Variants in KPNA4 observed in about 807,000 individuals in gnomAD.
The protein encoded by KPNA4 is importin subunit alpha-3.
KPNA4 carries 13 observed loss-of-function variants against 71.3 expected under a neutral mutation model. The observed-to-expected ratio is 0.18, with a 90% CI of 0.12 to 0.29. The LOEUF is 0.29. Ranked by LOEUF, KPNA4 falls within the 10% of genes least tolerant of loss-of-function variation. The pLI is 1.00. For missense variants in KPNA4, 334 were observed against 603.2 expected, an observed-to-expected ratio of 0.55 and a Z score of 4.67; for synonymous variants, 189 against 195.2, an observed-to-expected ratio of 0.97 and a Z score of 0.26.
intron 13 of KPNA4, among the ~76,000 whole-genome samples, chr3:160,511,731 A>ATAT (rs1721099244): frequency 8.3e-6 from 1 of 120,242 alleles, no homozygotes; most frequent in African/African-American, 3.0e-5. Context: ...TATATATATA[A>ATAT]ATATATTTGC....
rs1721178741 is a variant in KPNA4, at chr3:160,515,041, C to T, written c.1032+411G>A. ...CAACCCATGTTATTTCTACAACAGC[C>T]TCAGATGCACTCCAATATCAGCATC... On this transcript the variant is annotated intron_variant, in intron 12 of 16. Coordinates refer to ENST00000334256, the MANE Select transcript of KPNA4 (RefSeq NM_002268.5). 6 of 519,092 alleles carry T rather than the reference C, an allele frequency of 1.2e-5. No homozygotes were observed. The Admixed American group carries it at 1.2e-4, about 10-fold the overall frequency. 32.2% of individuals were successfully genotyped at this position (519,092 alleles called of 1,614,324 possible).
At chr3:160,544,686 A>G (rs1012830874) in intron 1 of KPNA4, among the ~76,000 whole-genome samples, 2 of 152,226 alleles carry the variant, frequency 1.3e-5, no homozygotes, top group African/African-American at 4.8e-5. Context: ...GAAGAGTAAG[A>G]GAAGAAATGA....
chr3:160,523,231 G>A (rs558801223), intron 10 of KPNA4, among the ~76,000 whole-genome samples: 5 of 152,258 alleles, frequency 3.3e-5, no homozygotes, highest in African/African-American at 9.6e-5. Flanking sequence ...AGCACTTTGG[G>A]AGACCAAGGC....
At chr3:160,523,491 T>C (rs1307179123) in intron 10 of KPNA4, among the ~76,000 whole-genome samples, 1 of 152,164 alleles carries the variant, frequency 6.6e-6, no homozygotes, top group Non-Finnish European at 1.5e-5. Flanking sequence ...TGCTTTGCCA[T>C]TGTTTCTTAG....
chr3:160,540,739 A>G (rs1316777278), intron 1 of KPNA4, among the ~76,000 whole-genome samples: 1 of 152,242 alleles, frequency 6.6e-6, no homozygotes, highest in Admixed American at 6.5e-5. Context: ...GGTGTCAATT[A>G]GAATTCCAGA....
chr3:160,563,283 T>TA (rs1312594062), intron 1 of KPNA4, among the ~76,000 whole-genome samples: 2 of 152,182 alleles, frequency 1.3e-5, no homozygotes, highest in East Asian at 1.9e-4. Context: ...AGAAGCCAGT[T>TA]AAAAAAGAGC....
At chr3:160,554,275 T>A (rs1340816555) in intron 1 of KPNA4, among the ~76,000 whole-genome samples, 1 of 152,216 alleles carries the variant, frequency 6.6e-6, no homozygotes, top group Non-Finnish European at 1.5e-5. Context: ...TTTTAGTACA[T>A]TCACAAAGTT....
intron 14 of KPNA4, 22 bp from the exon 15 acceptor site, chr3:160,508,291 A>C: frequency 6.5e-7 from 1 of 1,543,226 alleles, no homozygotes; most frequent in Non-Finnish European, 8.8e-7. Context: ...AAACAACATA[A>C]AATAATGCAA....
intron 12 of KPNA4, chr3:160,514,927 A>G (rs1374370448): frequency 1.9e-6 from 1 of 517,966 alleles, no homozygotes; most frequent in African/African-American, 1.9e-5. Flanking sequence ...TCACAGGACC[A>G]TTTTAATGAA....
intron 1 of KPNA4, among the ~76,000 whole-genome samples, chr3:160,541,810 T>C (rs1299947496): frequency 1.3e-5 from 2 of 152,128 alleles, no homozygotes; most frequent in Non-Finnish European, 2.9e-5. Context: ...AGACACTGCA[T>C]ATCTATGCCC....
chr3:160,501,495 A>C lies in KPNA4; in HGVS notation c.*609T>G, dbSNP rs745887869. On this transcript the variant is annotated 3_prime_UTR_variant, in exon 17 of 17. Transcript: ENST00000334256. ...CCCCCTGAAGGTGAATCAAGCTTGC[A>C]TGCGTTCACATACAGCACCACAACC... The C allele has an allele frequency of 6.5e-6, 1 of 152,724 alleles. No individual in the cohort carries two copies. The highest frequency in any genetic ancestry group is 1.5e-5 in the Non-Finnish European group (1 of 68,042). The allele number at this position is 152,724 out of a possible 1,614,324, so 9.5% of individuals were successfully genotyped here. A position where few individuals can be genotyped will look rare whatever the true frequency, so the allele number is the denominator to read the frequency against.
chr3:160,561,007 A>C (rs1180619414), intron 1 of KPNA4, among the ~76,000 whole-genome samples: 3 of 152,066 alleles, frequency 2.0e-5, no homozygotes, highest in Non-Finnish European at 4.4e-5. Context: ...AGGCTCTTTC[A>C]AAACAACAAA....
At chr3:160,520,032 T>C (rs560643330) in intron 11 of KPNA4, among the ~76,000 whole-genome samples, 4 of 152,240 alleles carry the variant, frequency 2.6e-5, no homozygotes, top group Non-Finnish European at 5.9e-5. Context: ...TCAACTTTCT[T>C]TGAGCACTGG....
intron 8 of KPNA4, among the ~76,000 whole-genome samples, chr3:160,526,917 CA>C (rs1229006929): frequency 6.6e-6 from 1 of 152,080 alleles, no homozygotes; most frequent in African/African-American, 2.4e-5. Flanking sequence ...GGTATAAAAG[CA>C]AAAGAGTGAG....
At chr3:160,561,518 T>C (rs1219338161) in intron 1 of KPNA4, among the ~76,000 whole-genome samples, 1 of 152,206 alleles carries the variant, frequency 6.6e-6, no homozygotes, top group African/African-American at 2.4e-5. Context: ...ACTGAACATA[T>C]GCCTTCTTTG....
At chr3:160,523,621 G>A (rs1577052326) in intron 10 of KPNA4, among the ~76,000 whole-genome samples, 1 of 152,226 alleles carries the variant, frequency 6.6e-6, no homozygotes, top group East Asian at 1.9e-4. Flanking sequence ...GGGCCAAGGT[G>A]GGTGGATCAC....
chr3:160,510,712 G>C (rs1333066862), intron 13 of KPNA4, among the ~76,000 whole-genome samples: 1 of 151,892 alleles, frequency 6.6e-6, no homozygotes, highest in Non-Finnish European at 1.5e-5. Flanking sequence ...CCCTATAATA[G>C]CAAAATTTAC....
chr3:160,506,687 T>A (rs1256342185), intron 15 of KPNA4, among the ~76,000 whole-genome samples: 1 of 152,188 alleles, frequency 6.6e-6, no homozygotes, highest in Non-Finnish European at 1.5e-5. Context: ...TATAAAGATA[T>A]TTTAGTAATT....
chr3:160,552,403 C>G (rs1181771220), intron 1 of KPNA4, among the ~76,000 whole-genome samples: 3 of 151,986 alleles, frequency 2.0e-5, no homozygotes, highest in Non-Finnish European at 4.4e-5. Flanking sequence ...TAATTCTAAT[C>G]AGAGTACCCT....
Sources: gnomAD v4.1 joint callset for allele counts (sites outside exome capture counted in the v4.1 genomes callset) on GRCh38, gnomAD v4.1.1 for gene constraint, MANE v1.5 for transcripts, NCBI Gene and HGNC (gene_info 2026-07-23, HGNC 2026-07-21) for gene names.